MACROD2: variants seen among roughly 807,000 people sequenced by gnomAD.
The protein encoded by MACROD2 is mono-ADP ribosylhydrolase 2.
In MACROD2, 36 loss-of-function variants were observed where a neutral mutation model predicts 70.4. The ratio of observed to expected loss-of-function variants is 0.51; its 90% CI spans 0.39 to 0.68. The LOEUF (loss-of-function observed/expected upper bound fraction) is 0.68, where lower values mean the gene tolerates loss of function less well. Among genes scored for constraint, MACROD2 ranks in the 30% least tolerant of loss-of-function variants. The pLI is 0.00. For synonymous variants in MACROD2, 172 were observed against 178.8 expected (o/e 0.96, Z 0.30); for missense variants, 496 against 538.4 (o/e 0.92, Z 0.78).
chr20:15,169,108 T>C (rs1314823335), intron 5 of MACROD2, among the ~76,000 whole-genome samples: 2 of 152,160 alleles, frequency 1.3e-5, no homozygotes, highest in Non-Finnish European at 2.9e-5. Context: ...AATAGTGATA[T>C]ACTTAATGCC....
At chr20:14,548,076 A>G (rs954251621) in intron 4 of MACROD2, among the ~76,000 whole-genome samples, 5 of 152,322 alleles carry the variant, frequency 3.3e-5, no homozygotes, top group African/African-American at 9.6e-5. Context: ...TCTTGATAAG[A>G]GGAGAGGCAA....
chr20:15,598,045 A>G (rs954043226), intron 8 of MACROD2, among the ~76,000 whole-genome samples: 1 of 151,908 alleles, frequency 6.6e-6, no homozygotes, highest in Non-Finnish European at 1.5e-5. Flanking sequence ...TGCCCACTGC[A>G]CTCCAGCCTG....
chr20:15,994,265 T>C (rs2066597672), intron 15 of MACROD2, among the ~76,000 whole-genome samples: 1 of 152,194 alleles, frequency 6.6e-6, no homozygotes, highest in African/African-American at 2.4e-5. Flanking sequence ...ACACTGTAGA[T>C]GAAGTTGTAC....
intron 5 of MACROD2, among the ~76,000 whole-genome samples, chr20:15,169,963 G>A (rs2076411684): frequency 6.6e-6 from 1 of 152,048 alleles, no homozygotes; most frequent in Admixed American, 6.6e-5. Flanking sequence ...TGGAATACTG[G>A]GATTAAGATC....
chr20:14,603,951 C>A (rs960344961), intron 4 of MACROD2, among the ~76,000 whole-genome samples: 1 of 152,104 alleles, frequency 6.6e-6, no homozygotes, highest in Non-Finnish European at 1.5e-5. Flanking sequence ...GAAGGCAATT[C>A]AAAACAAGCT....
chr20:14,755,713 A>G (rs1316006895), intron 5 of MACROD2, among the ~76,000 whole-genome samples: 1 of 151,888 alleles, frequency 6.6e-6, no homozygotes, highest in Non-Finnish European at 1.5e-5. Context: ...TTATTATATT[A>G]CCCTGGGTAC....
intron 3 of MACROD2, among the ~76,000 whole-genome samples, chr20:14,124,630 G>A (rs1297239675): frequency 6.6e-6 from 1 of 151,998 alleles, no homozygotes; most frequent in East Asian, 1.9e-4. Flanking sequence ...TAAAGGAAGT[G>A]GTGAGAATGG....
chr20:15,815,470 C>T (rs1600936887), intron 8 of MACROD2, among the ~76,000 whole-genome samples: 3 of 151,694 alleles, frequency 2.0e-5, no homozygotes, highest in Admixed American at 6.6e-5. Context: ...TGTGCGACAG[C>T]TGGTGTTCAT....
chr20:15,704,433 C>T (rs532883206), intron 8 of MACROD2, among the ~76,000 whole-genome samples: 3 of 152,056 alleles, frequency 2.0e-5, no homozygotes. Flanking sequence ...TGAAAAAAAA[C>T]CCTCCGTTAG....
chr20:14,639,489 C>G (rs1475533113), intron 4 of MACROD2, among the ~76,000 whole-genome samples: 1 of 152,070 alleles, frequency 6.6e-6, no homozygotes, highest in Non-Finnish European at 1.5e-5. Context: ...TGTTAATCAC[C>G]CCATAATCTC....
At chr20:14,300,812 A>G (rs1308858347) in intron 3 of MACROD2, among the ~76,000 whole-genome samples, 1 of 152,174 alleles carries the variant, frequency 6.6e-6, no homozygotes, top group Non-Finnish European at 1.5e-5. Context: ...GATGTAATGC[A>G]AGAGAATGGG....
At chr20:14,430,490 A>G (rs1238755868) in intron 3 of MACROD2, among the ~76,000 whole-genome samples, 1 of 152,208 alleles carries the variant, frequency 6.6e-6, no homozygotes, top group East Asian at 1.9e-4. Flanking sequence ...AGAGAAAGGC[A>G]TTAAAAATAA....
intron 5 of MACROD2, among the ~76,000 whole-genome samples, chr20:14,923,841 A>G (rs2074195338): frequency 6.6e-6 from 1 of 150,900 alleles, no homozygotes; most frequent in Non-Finnish European, 1.5e-5. Context: ...TGGGAAAGAG[A>G]AGAACCTCCA....
At chr20:15,077,591 G>A (rs945850033) in intron 5 of MACROD2, among the ~76,000 whole-genome samples, 1 of 152,150 alleles carries the variant, frequency 6.6e-6, no homozygotes, top group African/African-American at 2.4e-5. Flanking sequence ...AGAAAAATAT[G>A]TTTTACTCCA....
intron 3 of MACROD2, among the ~76,000 whole-genome samples, chr20:14,122,021 TA>T (rs1295150758): frequency 6.6e-6 from 1 of 152,218 alleles, no homozygotes; most frequent in Non-Finnish European, 1.5e-5. Flanking sequence ...TCCTGCTATA[TA>T]AAAGACATTA....
Position 14,715,294 on chromosome 20 carries a change from C to T in MACROD2, c.418+30335C>T, listed in dbSNP as rs189650394. On this transcript the variant is annotated intron_variant, in intron 5 of 17. Transcript: ENST00000684519. ...ATGATTCAATTACCTCCCACTGGGT[C>T]CCTCTCACCATAGGTGGGGATTATG... 1.1e-4 allele frequency among the ~76,000 whole-genome samples: 17 copies of T among 152,248 alleles called. No individual in the cohort carries two copies. The East Asian group carries it at 1.5e-3, about 14-fold the overall frequency.
rs56752104 is a variant in MACROD2 at position 15,206,721 on chromosome 20, G to GTTTTTTTTTTTTTTTTTTTTTTT, written c.419-23215_419-23193dup. ...GCATGAAGTCTTTCATATTATCTAT[G>GTTTTTTTTTTTTTTTTTTTTTTT]TTTTTTTTTTTTTTTTTTTTTTTTT... On this transcript the variant is annotated intron_variant, in intron 5 of 17. Transcript: ENST00000684519. Among the ~76,000 whole-genome samples the GTTTTTTTTTTTTTTTTTTTTTTT allele has an allele frequency of 2.1e-3, 68 of 33,000 alleles. 26 individuals are homozygous for GTTTTTTTTTTTTTTTTTTTTTTT. Among genetic ancestry groups the GTTTTTTTTTTTTTTTTTTTTTTT allele is most frequent in the African/African-American group, 2.4e-3 (16 of 6,544 alleles). 21.6% of individuals were successfully genotyped at this position (33,000 alleles called of 152,430 possible).
chr20:15,990,927 T>C (rs1472618744), intron 15 of MACROD2, among the ~76,000 whole-genome samples: 1 of 152,208 alleles, frequency 6.6e-6, no homozygotes, highest in Non-Finnish European at 1.5e-5. Context: ...AAGAACCACA[T>C]TCTTGGTGAA....
chr20:15,718,699 A>G (rs532314183), intron 8 of MACROD2, among the ~76,000 whole-genome samples: 1 of 152,360 alleles, frequency 6.6e-6, no homozygotes, highest in Non-Finnish European at 1.5e-5. Context: ...AAGTCCACGG[A>G]TATTTCAAAA....
Sources: gnomAD v4.1 joint callset for allele counts (sites outside exome capture counted in the v4.1 genomes callset) on GRCh38, gnomAD v4.1.1 for gene constraint, MANE v1.5 for transcripts, NCBI Gene and HGNC (gene_info 2026-07-23, HGNC 2026-07-21) for gene names.